Variants in EPHB1 observed in about 807,000 individuals in gnomAD.
The protein encoded by EPHB1 is EPH receptor B1.
Under a neutral mutation model 94.4 loss-of-function variants are expected in EPHB1, and 30 were observed. The ratio of observed to expected loss-of-function variants is 0.32; its 90% CI spans 0.24 to 0.43. The LOEUF is 0.43. Among genes scored for constraint, EPHB1 ranks in the 20% least tolerant of loss-of-function variants. The probability of loss-of-function intolerance (pLI) is 1.00; values close to 1 mark genes in which losing one functional copy is unlikely to be tolerated. For missense variants in EPHB1, 1,055 were observed against 1,308.3 expected (o/e 0.81, Z 2.99); for synonymous variants, 522 against 489.1 (o/e 1.07, Z -0.89).
At chr3:135,202,910 CACAT>C (rs1942796121) in intron 12 of EPHB1, among the ~76,000 whole-genome samples, 1 of 152,198 alleles carries the variant, frequency 6.6e-6, no homozygotes. Flanking sequence ...ACTATAAAGA[CACAT>C]GCACATGTAT....
At chr3:135,111,451 T>A (rs1283122078) in intron 4 of EPHB1, among the ~76,000 whole-genome samples, 5 of 152,042 alleles carry the variant, frequency 3.3e-5, no homozygotes, top group African/African-American at 1.2e-4. Flanking sequence ...TTGGGTGAAT[T>A]CTCACAGACT....
intron 3 of EPHB1, among the ~76,000 whole-genome samples, chr3:134,982,693 G>A (rs1217976019): frequency 2.6e-5 from 4 of 152,124 alleles, no homozygotes; most frequent in African/African-American, 4.8e-5. Flanking sequence ...AATATGACAA[G>A]TCAGTATCAC....
At chr3:134,860,172 G>GACACACACACACACACAC (rs71139560) in intron 1 of EPHB1, among the ~76,000 whole-genome samples, 3 of 139,150 alleles carry the variant, frequency 2.2e-5, no homozygotes, top group South Asian at 2.5e-4. Context: ...CACACACACA[G>GACACACACACACACACAC]ACACACACAC....
chr3:134,856,824 G>C (rs1159965300), intron 1 of EPHB1, among the ~76,000 whole-genome samples: 1 of 152,126 alleles, frequency 6.6e-6, no homozygotes, highest in Non-Finnish European at 1.5e-5. Flanking sequence ...TACTTTTATT[G>C]ATGTGACTAA....
chr3:135,041,457 A>G (rs1257757041), intron 3 of EPHB1, among the ~76,000 whole-genome samples: 2 of 152,024 alleles, frequency 1.3e-5, no homozygotes, highest in Admixed American at 6.5e-5. Flanking sequence ...TTCCAACTAC[A>G]CTTGTGCAAA....
chr3:135,124,170 C>T (rs781361131), intron 4 of EPHB1, among the ~76,000 whole-genome samples: 18 of 151,786 alleles, frequency 1.2e-4, no homozygotes, highest in Non-Finnish European at 2.1e-4. Context: ...CACCTCAGGG[C>T]CTTTGCACAT....
intron 1 of EPHB1, among the ~76,000 whole-genome samples, chr3:134,853,409 T>C (rs112116153): frequency 2.0e-4 from 31 of 152,062 alleles, no homozygotes; most frequent in African/African-American, 7.2e-4. Context: ...GGCAGACATG[T>C]TTTGGGGATA....
chr3:134,919,848 G>T (rs1422064903), intron 1 of EPHB1, among the ~76,000 whole-genome samples: 4 of 151,826 alleles, frequency 2.6e-5, no homozygotes, highest in Non-Finnish European at 4.4e-5. Flanking sequence ...AGGGGTGTGT[G>T]TGTGTGTGTG....
intron 1 of EPHB1, among the ~76,000 whole-genome samples, chr3:134,894,904 T>C (rs1296180113): frequency 6.6e-6 from 1 of 152,216 alleles, no homozygotes; most frequent in Non-Finnish European, 1.5e-5. Flanking sequence ...TTCTCTTCTT[T>C]CCTGGGAATG....
chr3:135,183,247 T>TCTTCCTTCCTTC (rs61228471), intron 10 of EPHB1, among the ~76,000 whole-genome samples: 1,158 of 91,374 alleles, frequency 0.013, 24 homozygotes, highest in East Asian at 0.044. Flanking sequence ...TCCCTCCCTT[T>TCTTCCTTCCTTC]CTTCCTTCCT....
intron 2 of EPHB1, among the ~76,000 whole-genome samples, chr3:134,929,680 C>G (rs1192104152): frequency 6.6e-6 from 1 of 152,104 alleles, no homozygotes; most frequent in East Asian, 1.9e-4. Flanking sequence ...GGCTAAAGAA[C>G]AGATGTGATG....
intron 5 of EPHB1, among the ~76,000 whole-genome samples, chr3:135,141,967 G>A (rs1940844746): frequency 6.6e-6 from 1 of 152,200 alleles, no homozygotes; most frequent in African/African-American, 2.4e-5. Context: ...TGAGAGTATA[G>A]TTTGCGAGTA....
At chr3:135,219,848 T>A (rs1559879798) in intron 12 of EPHB1, among the ~76,000 whole-genome samples, 1 of 152,174 alleles carries the variant, frequency 6.6e-6, no homozygotes, top group African/African-American at 2.4e-5. Context: ...GGGGATCTTG[T>A]CCCATGCACC....
At chr3:135,258,174 G>A (rs139393263) in intron 15 of EPHB1, among the ~76,000 whole-genome samples, 14 of 152,302 alleles carry the variant, frequency 9.2e-5, no homozygotes, top group East Asian at 5.8e-4. Context: ...CTTCTGCGTC[G>A]CTCACGCTGG....
intron 1 of EPHB1, among the ~76,000 whole-genome samples, chr3:134,855,274 G>A (rs2037087152): frequency 6.6e-6 from 1 of 152,204 alleles, no homozygotes; most frequent in Admixed American, 6.5e-5. Context: ...CCAGATGGAG[G>A]AAAAGGCTGC....
intron 3 of EPHB1, among the ~76,000 whole-genome samples, chr3:134,979,776 T>G (rs1229323711): frequency 6.6e-6 from 1 of 151,486 alleles, no homozygotes; most frequent in Non-Finnish European, 1.5e-5. Flanking sequence ...ATCTGTAGTC[T>G]GTTGATGATT....
intron 12 of EPHB1, among the ~76,000 whole-genome samples, chr3:135,219,245 G>T (rs1943224063): frequency 6.6e-6 from 1 of 152,098 alleles, no homozygotes; most frequent in South Asian, 2.1e-4. Context: ...GGGATCAGTT[G>T]AATTGTATCC....
rs574579217 is a variant in EPHB1, at chr3:135,102,572, C to T, written c.806-3876C>T. ...CTGGCACTTTCACCCTTGTTTTAAG[C>T]ATGAATTCTATGAGAAAGTATAGCA... On this transcript the variant is annotated intron_variant, in intron 3 of 15. Transcript: ENST00000398015. Among the ~76,000 whole-genome samples the T allele has an allele frequency of 1.5e-3, 223 of 152,300 alleles. 1 individual carries two copies. The highest frequency in any genetic ancestry group is 5.1e-3 in the African/African-American group (212 of 41,562).
chr3:135,251,198 C>T (rs1933074723), intron 15 of EPHB1, among the ~76,000 whole-genome samples: 1 of 152,122 alleles, frequency 6.6e-6, no homozygotes, highest in South Asian at 2.1e-4. Context: ...AAGATGGTTC[C>T]TTCCATTAAG....
Sources: allele counts gnomAD v4.1 joint callset (sites outside exome capture counted in the v4.1 genomes callset), GRCh38; gene constraint gnomAD v4.1.1; transcripts MANE v1.5; gene names NCBI Gene and HGNC (gene_info 2026-07-23, HGNC 2026-07-21).